The following ERICH1 variants were observed in gnomAD, a reference collection of about 807,000 sequenced individuals.
ERICH1 encodes the protein glutamate rich 1.
Under a neutral mutation model 39.6 loss-of-function variants are expected in ERICH1, and 56 were observed. The ratio of observed to expected loss-of-function variants is 1.41; its 90% CI spans 1.14 to 1.77. ERICH1 has a LOEUF of 1.77. Ranked by LOEUF, ERICH1 falls within the 40% of genes most tolerant of loss-of-function variation. ERICH1 has a pLI of 0.00. For missense variants in ERICH1, 826 were observed against 575.4 expected, an observed-to-expected ratio of 1.44 and a Z score of -4.45; for synonymous variants, 313 against 223.6, an observed-to-expected ratio of 1.40 and a Z score of -3.57.
Position 673,715 on chromosome 8 carries a change from T to C in ERICH1, c.637A>G (p.Thr213Ala), listed in dbSNP as rs1585188994. 2 of 1,614,112 alleles carry C rather than the reference T, an allele frequency of 1.2e-6. No homozygotes were observed. Among genetic ancestry groups the C allele is most frequent in the Non-Finnish European group, 1.7e-6 (2 of 1,179,978 alleles). The change falls in exon 4 of 6, where the codon ACC (threonine) becomes GCC (alanine). Residue 213 changes from threonine to alanine, a missense_variant. Transcript: ENST00000262109. ...GEACEEDGVD[T>A]SEEDPTLAGE... ...GCCAGTGTCGGGTCTTCCTCGCTGG[T>C]GTCCACACCATCCTCCTCACAAGCC...
intron 2 of ERICH1, among the ~76,000 whole-genome samples, chr8:711,883 C>A (rs1218266135): frequency 8.5e-5 from 13 of 152,196 alleles, no homozygotes; most frequent in Admixed American, 8.5e-4. Flanking sequence ...GTTGTGCCAG[C>A]CCCATTTGTT....
At chr8:685,475 T>A (rs1184491517) in intron 3 of ERICH1, among the ~76,000 whole-genome samples, 2 of 152,196 alleles carry the variant, frequency 1.3e-5, no homozygotes, top group African/African-American at 2.4e-5. Flanking sequence ...TTTAAGAAGA[T>A]GATGGGATTA....
At chr8:634,584 T>C in intron 3 of ERICH1, among the ~76,000 whole-genome samples, 1 of 152,194 alleles carries the variant, frequency 6.6e-6, no homozygotes, top group Non-Finnish European at 1.5e-5. Flanking sequence ...ACTCCAGCTC[T>C]AAGCACAGTG....
downstream of ERICH1, among the ~76,000 whole-genome samples, chr8:660,712 C>G (rs1395824322): frequency 6.6e-6 from 1 of 152,212 alleles, no homozygotes; most frequent in East Asian, 1.9e-4. Flanking sequence ...CTGGCCCTGG[C>G]CCAAACTGGG....
chr8:731,168 C>T lies in ERICH1; in HGVS notation c.-7G>A, dbSNP rs1217954724. ...GCTTCCTGTGCGCCGCCATGCGGGA[C>T]CCTGCCGCGGACCTCAGACCACGGC... is the stretch of plus-strand genomic sequence containing the variant. On this transcript the variant is annotated 5_prime_UTR_variant, in exon 1 of 6. Transcript: ENST00000262109. The T allele has an allele frequency of 3.3e-6, 5 of 1,507,862 alleles. No homozygotes were observed. The highest frequency in any genetic ancestry group is 2.9e-5 in the African/African-American group (2 of 70,114). The allele number at this position is 1,507,862 out of a possible 1,614,324, so 93.4% of individuals were successfully genotyped here. A position where few individuals can be genotyped will look rare whatever the true frequency, so the allele number is the denominator to read the frequency against.
chr8:719,866 G>A (rs1052007044), intron 1 of ERICH1, among the ~76,000 whole-genome samples: 6 of 152,062 alleles, frequency 3.9e-5, no homozygotes, highest in African/African-American at 1.4e-4. Flanking sequence ...TCCCAGCACT[G>A]GCCACAGGGT....
At chr8:713,879 G>A (rs184609448) in intron 2 of ERICH1, among the ~76,000 whole-genome samples, 56 of 152,246 alleles carry the variant, frequency 3.7e-4, no homozygotes, top group African/African-American at 1.2e-3. Flanking sequence ...TGGCACCCAG[G>A]AACCCACGTC....
intron 3 of ERICH1, among the ~76,000 whole-genome samples, chr8:674,457 C>A (rs2131874790): frequency 6.6e-6 from 1 of 152,204 alleles, no homozygotes; most frequent in South Asian, 2.1e-4. Context: ...CAAGCACCAC[C>A]ATGCCCAGCT....
intron 2 of ERICH1, among the ~76,000 whole-genome samples, chr8:706,663 C>T (rs573990619): frequency 6.6e-6 from 1 of 152,192 alleles, no homozygotes; most frequent in East Asian, 1.9e-4. Flanking sequence ...CATGTAATCC[C>T]AGCTACTCAG....
At chr8:640,199 A>G (rs1798831374) in intron 3 of ERICH1, among the ~76,000 whole-genome samples, 2 of 152,196 alleles carry the variant, frequency 1.3e-5, no homozygotes, top group African/African-American at 4.8e-5. Flanking sequence ...AAGGACCCCT[A>G]TGGAGAAGGT....
chr8:712,045 G>C (rs895222018), intron 2 of ERICH1, among the ~76,000 whole-genome samples: 1 of 152,124 alleles, frequency 6.6e-6, no homozygotes, highest in Non-Finnish European at 1.5e-5. Context: ...GATTACTGTA[G>C]ATTTCTGGTA....
chr8:685,811 C>A (rs1009795287), intron 3 of ERICH1, among the ~76,000 whole-genome samples: 6 of 152,060 alleles, frequency 3.9e-5, no homozygotes, highest in African/African-American at 1.2e-4. Flanking sequence ...TCTTTCTATT[C>A]CTGAGAGTCT....
At chr8:639,942 C>T (rs989551612) in intron 3 of ERICH1, among the ~76,000 whole-genome samples, 2 of 152,178 alleles carry the variant, frequency 1.3e-5, no homozygotes, top group Non-Finnish European at 2.9e-5. Flanking sequence ...GCTTGTGTTT[C>T]CAGGTAAGAT....
chr8:714,020 G>A (rs1329363230), intron 2 of ERICH1, among the ~76,000 whole-genome samples: 42 of 122,512 alleles, frequency 3.4e-4, no homozygotes, highest in African/African-American at 1.0e-3. Flanking sequence ...GGCATCTCTC[G>A]GTGGGATGTG....
intron 3 of ERICH1, among the ~76,000 whole-genome samples, chr8:677,527 G>A (rs139817240): frequency 4.0e-4 from 61 of 152,270 alleles, no homozygotes; most frequent in Middle Eastern, 3.4e-3. Context: ...AATTTCATCT[G>A]CGAGTGTGTG....
At chr8:720,221 G>A (rs1247209879) in intron 1 of ERICH1, among the ~76,000 whole-genome samples, 5 of 152,170 alleles carry the variant, frequency 3.3e-5, no homozygotes, top group African/African-American at 7.2e-5. Context: ...TGCAGGCCGC[G>A]CAGACATACC....
chr8:718,367 G>A (rs942216857), intron 1 of ERICH1, among the ~76,000 whole-genome samples: 1 of 151,982 alleles, frequency 6.6e-6, no homozygotes, highest in Non-Finnish European at 1.5e-5. Context: ...ATAAGAATGT[G>A]CCTTAAAAAA....
chr8:641,819 T>C (rs1291609267), intron 3 of ERICH1, among the ~76,000 whole-genome samples: 1 of 152,136 alleles, frequency 6.6e-6, no homozygotes, highest in African/African-American at 2.4e-5. Context: ...CCAGACCTCA[T>C]CAGAATCAAC....
downstream of ERICH1, among the ~76,000 whole-genome samples, chr8:662,174 A>T (rs1801515391): frequency 6.6e-6 from 1 of 152,196 alleles, no homozygotes; most frequent in Non-Finnish European, 1.5e-5. Context: ...GATTCTGTGC[A>T]ACCCAGGAAA....
Sources: allele counts gnomAD v4.1 joint callset (sites outside exome capture counted in the v4.1 genomes callset), GRCh38; gene constraint gnomAD v4.1.1; transcripts MANE v1.5; gene names NCBI Gene and HGNC (gene_info 2026-07-23, HGNC 2026-07-21).